NEK4: variants seen among roughly 807,000 people sequenced by gnomAD.
NEK4 encodes the protein serine/threonine-protein kinase Nek4.
A neutral mutation model predicts 98.4 loss-of-function variants in NEK4; 86 were observed. The observed-to-expected ratio is 0.87, with a 90% CI of 0.73 to 1.05. NEK4 has a LOEUF of 1.05. Ranked by LOEUF, NEK4 falls within the 50% of genes least tolerant of loss-of-function variation. NEK4 has a pLI of 0.00. For missense variants in NEK4, 898 were observed against 950.3 expected (o/e 0.94, Z 0.72); for synonymous variants, 328 against 342.2 (o/e 0.96, Z 0.46).
chr3:52,738,571 C>T (rs895358569), intron 14 of NEK4, among the ~76,000 whole-genome samples: 8 of 152,188 alleles, frequency 5.3e-5, no homozygotes, highest in Non-Finnish European at 7.4e-5. Context: ...TTACCTCAGC[C>T]GCCTGAGTAG....
Position 52,744,118 on chromosome 3 carries a change from G to T in NEK4, c.1894+121C>A, listed in dbSNP as rs923374750. 3.9e-5 allele frequency: 29 copies of T among 741,428 alleles called. No individual in the cohort carries two copies. The Admixed American group carries it at 4.2e-4, about 11-fold the overall frequency. The allele number at this position is 741,428 out of a possible 1,614,324, so 45.9% of individuals were successfully genotyped here. ...GAAATTTCAAAATCTTTTCCAACTC[G>T]ATTTCCTACATGTTTTACTGCTGCT... On this transcript the variant is annotated intron_variant, in intron 11 of 15. Coordinates refer to ENST00000233027, the MANE Select transcript of NEK4 (RefSeq NM_003157.6).
At chr3:52,736,427 A>C (rs2097376012) in intron 15 of NEK4, among the ~76,000 whole-genome samples, 1 of 152,104 alleles carries the variant, frequency 6.6e-6, no homozygotes, top group South Asian at 2.1e-4. Flanking sequence ...TCTACTAAAA[A>C]TACAAAACAT....
intron 6 of NEK4, among the ~76,000 whole-genome samples, chr3:52,760,339 C>T (rs1343749654): frequency 1.3e-5 from 2 of 152,136 alleles, no homozygotes; most frequent in African/African-American, 4.8e-5. Context: ...CCCTCAGCCT[C>T]CTGAGTAGCT....
At chr3:52,718,703 G>A (rs1435285129) in intron 15 of NEK4, among the ~76,000 whole-genome samples, 2 of 152,210 alleles carry the variant, frequency 1.3e-5, no homozygotes, top group Admixed American at 6.6e-5. Context: ...AAGCTAGCAC[G>A]CAGACCCCTA....
rs200247224 is a variant in NEK4, at chr3:52,752,007, G to A, written c.1293C>T (p.Asp431=). Reference sequence around the variant, plus strand: ...GTTCATTCTTTTCCCCAGTGACAATGTCAGAGGACCACATGGGAATCAGGT... The same window carrying A: ...GTTCATTCTTTTCCCCAGTGACAATATCAGAGGACCACATGGGAATCAGGT... The part of the protein sequence containing the change: ...PENLIPMWSS[D]IVTGEKNEPV... Residue 431 remains aspartate, a synonymous_variant, in exon 7 of 16, where the codon GAC becomes GAT. Coordinates refer to ENST00000233027, the MANE Select transcript of NEK4 (RefSeq NM_003157.6). 1.8e-5 allele frequency: 29 copies of A among 1,614,184 alleles called. No homozygotes were observed. In the Admixed American group the frequency reaches 3.7e-4, roughly 20 times the overall value.
At chr3:52,750,750 T>A (rs552349626) in intron 7 of NEK4, among the ~76,000 whole-genome samples, 1 of 150,876 alleles carries the variant, frequency 6.6e-6, no homozygotes, top group Non-Finnish European at 1.5e-5. Flanking sequence ...AACATGGCCA[T>A]GGCAAGGCCC....
intron 6 of NEK4, among the ~76,000 whole-genome samples, chr3:52,757,735 A>AATAGGAATGTAAAGGAATG (rs1353932398): frequency 1.3e-5 from 2 of 152,210 alleles, no homozygotes; most frequent in Non-Finnish European, 2.9e-5. Flanking sequence ...ATTCAGCATT[A>AATAGGAATGTAAAGGAATG]AAAAGGAAGG....
intron 8 of NEK4, among the ~76,000 whole-genome samples, chr3:52,749,117 G>GA (rs1434242766): frequency 6.6e-6 from 1 of 151,606 alleles, no homozygotes; most frequent in Non-Finnish European, 1.5e-5. Flanking sequence ...GGGAGGATGG[G>GA]AGACAATATT....
chr3:52,746,065 G>T lies in NEK4; in HGVS notation c.1823C>A (p.Ser608Ter). 1 of 1,613,200 alleles carries T rather than the reference G, an allele frequency of 6.2e-7. No individual in the cohort carries two copies. The highest frequency in any genetic ancestry group is 8.5e-7 in the Non-Finnish European group (1 of 1,179,714). Residue 608 changes from serine (S) to a stop codon, truncating the protein, a stop_gained, in exon 10 of 16, where the codon TCA becomes TAA. Coordinates refer to ENST00000233027, the MANE Select transcript of NEK4 (RefSeq NM_003157.6). LOFTEE classifies it high-confidence loss of function. Reference sequence around the variant, plus strand: ...CCAGCATATGTTCCCACAAACCTTTGATGATGACATCTCACTGCTCCTTGA... The same window carrying T: ...CCAGCATATGTTCCCACAAACCTTTTATGATGACATCTCACTGCTCCTTGA... ...SSSRSSEMSSSKDRPLSARER... is the reference protein window; with the variant it reads ...SSSRSSEMSS
At position 52,759,673 on chromosome 3, in the gene NEK4, T is replaced by C. The variant is rs115575450; in HGVS notation, c.963+1122A>G. 5.2e-3 allele frequency among the ~76,000 whole-genome samples: 788 copies of C among 152,106 alleles called. 9 individuals are homozygous for C. Among genetic ancestry groups the C allele is most frequent in the African/African-American group, 0.018 (753 of 41,510 alleles). On this transcript the variant is annotated intron_variant, in intron 6 of 15. Coordinates refer to ENST00000233027, the MANE Select transcript of NEK4 (RefSeq NM_003157.6). ...GCCACTGTAGAAAACAGTGCAACAG[T>C]TCCTCAAAAAGTCAAACCAAAAAAA...
chr3:52,764,636 A>C (rs902162098), intron 4 of NEK4, among the ~76,000 whole-genome samples: 6 of 152,168 alleles, frequency 3.9e-5, no homozygotes, highest in African/African-American at 1.4e-4. Context: ...GTCTCAAAAA[A>C]AAAAAAACTT....
rs145453676 is a variant in NEK4, at chr3:52,761,489, T to C, written c.822-553A>G. ...TTAGTAGAGACGGGGTTTTGCCATG[T>C]TGGCCAGGCTGGTCTTAAACTCCTG... On this transcript the variant is annotated intron_variant, in intron 5 of 15. Transcript: ENST00000233027. Among the ~76,000 whole-genome samples the C allele has an allele frequency of 9.2e-5, 14 of 152,316 alleles. No individual in the cohort carries two copies. The East Asian group carries it at 2.1e-3, about 23-fold the overall frequency.
chr3:52,726,975 T>TTC (rs1201980423), intron 15 of NEK4, among the ~76,000 whole-genome samples: 1 of 150,852 alleles, frequency 6.6e-6, no homozygotes, highest in Non-Finnish European at 1.5e-5. Context: ...AAACTTTTTT[T>TTC]TTTTTTTTTT....
At chr3:52,755,046 C>G (rs1194698661) in intron 6 of NEK4, among the ~76,000 whole-genome samples, 1 of 148,020 alleles carries the variant, frequency 6.8e-6, no homozygotes, top group Non-Finnish European at 1.5e-5. Flanking sequence ...TGGACTCCAG[C>G]CTGGGCGACA....
At chr3:52,755,173 T>G (rs957896417) in intron 6 of NEK4, among the ~76,000 whole-genome samples, 1 of 146,982 alleles carries the variant, frequency 6.8e-6, no homozygotes, top group African/African-American at 2.5e-5. Context: ...TATTGTATGA[T>G]TCCACTTACA....
chr3:52,711,561 G>C lies in NEK4; in HGVS notation c.*216C>G, dbSNP rs548975874. ...CAAACAACAGATTTGTCCTCACAAA[G>C]AGAATATGAAAGCCAAAGTTTTTTT... On this transcript the variant is annotated 3_prime_UTR_variant, in exon 16 of 16. Transcript: ENST00000233027. The C allele has an allele frequency of 4.9e-5, 19 of 389,486 alleles. No homozygotes were observed. The South Asian group carries it at 1.2e-3, about 24-fold the overall frequency. 24.1% of individuals were successfully genotyped at this position (389,486 alleles called of 1,614,324 possible). A position where few individuals can be genotyped will look rare whatever the true frequency, so the allele number is the denominator to read the frequency against.
At chr3:52,724,235 ACACACAC>A (rs2097362544) in intron 15 of NEK4, among the ~76,000 whole-genome samples, 1 of 128,138 alleles carries the variant, frequency 7.8e-6, no homozygotes, top group Admixed American at 7.9e-5. Context: ...GTCTTAAAAC[ACACACAC>A]ACACACACAC....
intron 12 of NEK4, among the ~76,000 whole-genome samples, chr3:52,743,065 G>A (rs574599738): frequency 1.9e-4 from 29 of 152,286 alleles, no homozygotes; most frequent in African/African-American, 6.0e-4. Context: ...TATTATAAGC[G>A]TGAGCCACTG....
rs2154104554 is a variant in NEK4, at chr3:52,746,842, T to C, written c.1569A>G (p.Pro523=). The change falls in exon 9 of 16, where the codon CCA becomes CCG. Residue 523 remains proline, a synonymous_variant. Coordinates refer to ENST00000233027, the MANE Select transcript of NEK4 (RefSeq NM_003157.6). ...GGGAAGGTTCAGACCCAGAGTTGTGTGGCTGTAAATCTGGGTGGATTCTGC... is the reference window on the plus strand; with the variant it reads ...GGGAAGGTTCAGACCCAGAGTTGTGCGGCTGTAAATCTGGGTGGATTCTGC... The part of the protein sequence containing the change: ...KQGRIHPDLQ[P]HNSGSEPSLS... 1.9e-6 allele frequency: 3 copies of C among 1,613,976 alleles called. No homozygotes were observed. Among genetic ancestry groups the C allele is most frequent in the African/African-American group, 2.7e-5 (2 of 75,058 alleles).
Sources: gnomAD v4.1 joint callset for allele counts (sites outside exome capture counted in the v4.1 genomes callset) on GRCh38, gnomAD v4.1.1 for gene constraint, MANE v1.5 for transcripts, NCBI Gene and HGNC (gene_info 2026-07-23, HGNC 2026-07-21) for gene names.